Variants in WDR1 observed in about 807,000 individuals in gnomAD.
WDR1 encodes the protein WD repeat domain 1, also known as WD repeat-containing protein 1.
A neutral mutation model predicts 71.9 loss-of-function variants in WDR1; 21 were observed. The observed-to-expected ratio is 0.29, with a 90% CI of 0.21 to 0.42. WDR1 has a LOEUF of 0.42. Among genes scored for constraint, WDR1 ranks in the 10% least tolerant of loss-of-function variants. WDR1 has a pLI of 1.00. For missense variants in WDR1, 696 were observed against 824.5 expected, an observed-to-expected ratio of 0.84 and a Z score of 1.91; for synonymous variants, 424 against 347.4, an observed-to-expected ratio of 1.22 and a Z score of -2.45.
chr4:10,103,730 G>A (rs756796169), intron 3 of WDR1, among the ~76,000 whole-genome samples, 166 bp downstream of exon 3: 5 of 152,146 alleles, frequency 3.3e-5, no homozygotes, highest in Non-Finnish European at 7.3e-5. Context: ...AGCCTCAGCT[G>A]AAACTAATTA....
chr4:10,077,855 C>A lies in WDR1; in HGVS notation c.1467G>T (p.Lys489Asn). ...AGTAGGCCACGTCGGTCACGGGGCC[C>A]TTGGCCTCTAGGAGCTTGCCCTCAT... ...LKDEGKLLEA[K>N]GPVTDVAYSH... The change falls in exon 13 of 15, where the codon AAG becomes AAT. Residue 489 changes from lysine to asparagine, a missense_variant. By Grantham distance (94) the Lys-to-Asn change is moderately conservative. Coordinates refer to ENST00000499869, the MANE Select transcript of WDR1 (RefSeq NM_017491.5). 1 of 1,610,896 alleles carries A rather than the reference C, an allele frequency of 6.2e-7. No individual in the cohort carries two copies. The highest frequency in any genetic ancestry group is 2.2e-5 in the East Asian group (1 of 44,704).
intron 14 of WDR1, 100 bp from the exon 15 acceptor site, chr4:10,075,584 C>T: frequency 1.8e-6 from 2 of 1,119,780 alleles, no homozygotes; most frequent in Middle Eastern, 2.0e-4. Flanking sequence ...AAATCATCTC[C>T]AGGGCCAAGA....
In WDR1 at chr4:10,077,762, G is replaced by T; in HGVS notation, c.1560C>A (p.Asp520Glu). The T allele has an allele frequency of 6.3e-7, 1 of 1,587,950 alleles. No homozygotes were observed. The highest frequency in any genetic ancestry group is 8.6e-7 in the Non-Finnish European group (1 of 1,165,792). Residue 520 changes from aspartate to glutamate, a missense_variant, in exon 13 of 15, where the codon GAC (aspartate) becomes GAA (glutamate). By Grantham distance (45) the Asp-to-Glu change is conservative. Transcript: ENST00000499869. Reference protein sequence around the residue: ...SKVVTVFSVADGYSENNVFYG... With the variant: ...SKVVTVFSVAEGYSENNVFYG... ...GCCCGCCGCCACTCACCGAGTAGCC[G>T]TCAGCAACGCTGAACACTGTGACCA...
chr4:10,090,614 A>G (rs1711906889), intron 5 of WDR1, among the ~76,000 whole-genome samples: 2 of 152,250 alleles, frequency 1.3e-5, no homozygotes, highest in South Asian at 4.1e-4. Flanking sequence ...TGCTTGCCTC[A>G]GGTAAGCCCT....
intron 2 of WDR1, 125 bp downstream of exon 2, chr4:10,115,988 G>C (rs1488232188): frequency 7.4e-7 from 1 of 1,342,836 alleles, no homozygotes; most frequent in Non-Finnish European, 1.0e-6. Flanking sequence ...TCCCGGTAGA[G>C]GGGGCGTGGC....
chr4:10,105,654 G>C (rs1259977454), intron 2 of WDR1, among the ~76,000 whole-genome samples: 2 of 152,186 alleles, frequency 1.3e-5, no homozygotes, highest in East Asian at 1.9e-4. Flanking sequence ...GGGGACACTG[G>C]AATGTTCACA....
rs1052861991 is a variant in WDR1 at position 10,075,032 on chromosome 4, G to C, written c.*346C>G. On this transcript the variant is annotated 3_prime_UTR_variant, in exon 15 of 15. Transcript: ENST00000499869. ...TTCACCTGTACAACCTCCCCTGACA[G>C]ATAGTGAGAGCCGCGGCGGGGCCAG... 2.6e-6 allele frequency: 1 copy of C among 387,184 alleles called. No homozygotes were observed. The highest frequency in any genetic ancestry group is 4.6e-6 in the Non-Finnish European group (1 of 215,164). 24.0% of individuals were successfully genotyped at this position (387,184 alleles called of 1,614,324 possible).
rs183072585 is a variant in WDR1 at position 10,085,736 on chromosome 4, G to A, written c.952-1206C>T. 1.3e-4 allele frequency among the ~76,000 whole-genome samples: 20 copies of A among 152,358 alleles called. No individual in the cohort carries two copies. In the East Asian group the frequency reaches 3.5e-3, roughly 26 times the overall value. ...CCCTGTAAACTTAGTGCCTCTGGGG[G>A]CGTCAGCAGCCAGCGCTTTTTAGAG... On this transcript the variant is annotated intron_variant, in intron 8 of 14. Transcript: ENST00000499869.
intron 12 of WDR1, 80 bp downstream of exon 12, chr4:10,078,811 G>T: frequency 1.6e-6 from 2 of 1,221,796 alleles, no homozygotes; most frequent in Non-Finnish European, 2.3e-6. Flanking sequence ...AGACAGCCCC[G>T]GTACTCACAC....
chr4:10,074,857 C>G lies in WDR1; in HGVS notation c.*521G>C, dbSNP rs531227203. The G allele has an allele frequency of 6.4e-6, 1 of 155,700 alleles. No homozygotes were observed. The highest frequency in any genetic ancestry group is 2.4e-5 in the African/African-American group (1 of 41,580). 9.6% of individuals were successfully genotyped at this position (155,700 alleles called of 1,614,324 possible). ...CCCCATCTGATCTGGAGGTGGCGCTCTGAAGGCAGCCACAAGGTGTGAGTC... is the reference window on the plus strand; with the variant it reads ...CCCCATCTGATCTGGAGGTGGCGCTGTGAAGGCAGCCACAAGGTGTGAGTC... On this transcript the variant is annotated 3_prime_UTR_variant, in exon 15 of 15. Coordinates refer to ENST00000499869, the MANE Select transcript of WDR1 (RefSeq NM_017491.5).
At chr4:10,084,226 A>G (rs1765122602) in intron 9 of WDR1, among the ~76,000 whole-genome samples, 2 of 152,142 alleles carry the variant, frequency 1.3e-5, no homozygotes, top group South Asian at 4.1e-4. Flanking sequence ...GCTTTTCCTC[A>G]GCATAAGCCC....
chr4:10,106,045 A>G (rs1419220795), intron 2 of WDR1, among the ~76,000 whole-genome samples: 1 of 136,104 alleles, frequency 7.3e-6, no homozygotes, highest in African/African-American at 2.7e-5. Flanking sequence ...ATGAAAGAAG[A>G]TTTTAGAAAA....
At chr4:10,090,833 C>T (rs1277181163) in intron 5 of WDR1, among the ~76,000 whole-genome samples, 1 of 152,258 alleles carries the variant, frequency 6.6e-6, no homozygotes, top group African/African-American at 2.4e-5. Context: ...CGTTTCCATC[C>T]CAGTGGATGA....
rs555294301 is a variant in WDR1 at position 10,104,686 on chromosome 4, A to G, written c.139-700T>C. On this transcript the variant is annotated intron_variant, in intron 2 of 14. Transcript: ENST00000499869. ...TCCCTCCCGGCATACACACACACGC[A>G]GGGCCTCAGTGAAACAGAAACACAC... is the stretch of plus-strand genomic sequence containing the variant. 2.6e-3 allele frequency among the ~76,000 whole-genome samples: 390 copies of G among 152,288 alleles called. 8 individuals carry two copies. Among genetic ancestry groups the G allele is most frequent in the African/African-American group, 9.2e-3 (381 of 41,556 alleles).
chr4:10,115,184 G>GC (rs1713634547), intron 2 of WDR1, among the ~76,000 whole-genome samples: 1 of 152,212 alleles, frequency 6.6e-6, no homozygotes, highest in Admixed American at 6.5e-5. Flanking sequence ...CAATGGCCGG[G>GC]CCGGCACCTC....
chr4:10,094,192 A>C (rs1712183324), intron 5 of WDR1, among the ~76,000 whole-genome samples: 1 of 152,226 alleles, frequency 6.6e-6, no homozygotes, highest in African/African-American at 2.4e-5. Context: ...CCCCAGGACG[A>C]CATGCTGCTC....
intron 3 of WDR1, 24 bp from the exon 4 acceptor site, chr4:10,099,163 AGGGGGGGAGGCGGTGGT>A: frequency 1.7e-5 from 3 of 180,462 alleles, no homozygotes; most frequent in African/African-American, 1.5e-4. Context: ...CGGGCGGGGG[AGGGGGGGAGGCGGTGGT>A]GGGGTAAAGG....
chr4:10,105,774 T>A (rs1315718925), intron 2 of WDR1, among the ~76,000 whole-genome samples: 3 of 152,196 alleles, frequency 2.0e-5, no homozygotes, highest in African/African-American at 7.2e-5. Flanking sequence ...CTCCTAGGTA[T>A]CTGCCCTGGA....
chr4:10,113,558 C>T (rs1713522234), intron 2 of WDR1, among the ~76,000 whole-genome samples: 1 of 151,798 alleles, frequency 6.6e-6, no homozygotes, highest in African/African-American at 2.4e-5. Context: ...CCACTAGAGG[C>T]CTGTCTTGTG....
Sources: gnomAD v4.1 joint callset for allele counts (sites outside exome capture counted in the v4.1 genomes callset) on GRCh38, gnomAD v4.1.1 for gene constraint, MANE v1.5 for transcripts, NCBI Gene and HGNC (gene_info 2026-07-23, HGNC 2026-07-21) for gene names.